PRELID2: variants seen among roughly 807,000 people sequenced by gnomAD.
PRELID2 encodes PRELI domain-containing protein 2.
A neutral mutation model predicts 28.4 loss-of-function variants in PRELID2; 25 were observed. That is an observed-to-expected ratio of 0.88 (90% CI 0.64 to 1.23). The LOEUF (loss-of-function observed/expected upper bound fraction) is 1.23, where lower values mean the gene tolerates loss of function less well. Among genes scored for constraint, PRELID2 ranks in the 50% most tolerant of loss-of-function variants. PRELID2 has a pLI of 0.00. For missense variants in PRELID2, 201 were observed against 214.4 expected, an observed-to-expected ratio of 0.94 and a Z score of 0.39; for synonymous variants, 76 against 71.6, an observed-to-expected ratio of 1.06 and a Z score of -0.31.
Position 145,759,990 on chromosome 5 carries a change from A to C in PRELID2, c.*546T>G, listed in dbSNP as rs1448398721. 6.6e-6 allele frequency: 1 copy of C among 152,164 alleles called. No homozygotes were observed. Among genetic ancestry groups the C allele is most frequent in the Non-Finnish European group, 1.5e-5 (1 of 68,036 alleles). The allele number at this position is 152,164 out of a possible 1,614,324, so 9.4% of individuals were successfully genotyped here. ...GATAAAAATCTCCTGATTTCTGAGA[A>C]TCTTAAACATTGTTATAAATACGGC... On this transcript the variant is annotated 3_prime_UTR_variant, in exon 7 of 7. Coordinates refer to ENST00000683046, the MANE Select transcript of PRELID2 (RefSeq NM_205846.3).
At chr5:145,811,320 G>T (rs1176574700) in intron 4 of PRELID2, among the ~76,000 whole-genome samples, 4 of 151,990 alleles carry the variant, frequency 2.6e-5, no homozygotes, top group African/African-American at 9.7e-5. Flanking sequence ...CAGGGGTCTT[G>T]CTCTGTTGCC....
intron 1 of PRELID2, among the ~76,000 whole-genome samples, chr5:145,682,530 G>A (rs1474634201): frequency 6.6e-6 from 1 of 152,158 alleles, no homozygotes; most frequent in Non-Finnish European, 1.5e-5. Flanking sequence ...TATTAACAGG[G>A]TAGAAGGTCA....
chr5:145,740,897 G>A (rs139097628), intron 1 of PRELID2, among the ~76,000 whole-genome samples: 5 of 87,214 alleles, frequency 5.7e-5, no homozygotes, highest in African/African-American at 2.7e-4. Context: ...TATATTTATC[G>A]ATAAATATAT....
intron 1 of PRELID2, among the ~76,000 whole-genome samples, chr5:145,717,574 C>G (rs951983590): frequency 2.6e-5 from 4 of 151,644 alleles, no homozygotes; most frequent in African/African-American, 9.7e-5. Context: ...ATATGTAAGA[C>G]AATAAAGGGA....
In PRELID2 at chr5:145,554,627, C is replaced by A. The variant is rs530477273; in HGVS notation, n.71-81312G>T. 5.9e-5 allele frequency among the ~76,000 whole-genome samples: 9 copies of A among 152,312 alleles called. No homozygotes were observed. In the South Asian group the frequency reaches 1.7e-3, roughly 28 times the overall value. On this transcript the variant is annotated intron_variant and non_coding_transcript_variant, in intron 1 of 2. Coordinates refer to the PRELID2 transcript ENST00000510259. ...CCTTAGTGTCAGACCATATTATAAC[C>A]ACACAATGTGTGTAATAGGGCTGTG...
At chr5:145,539,127 C>A (rs998836866) in intron 1 of PRELID2, among the ~76,000 whole-genome samples, 6 of 151,942 alleles carry the variant, frequency 3.9e-5, no homozygotes, top group Non-Finnish European at 7.4e-5. Context: ...GAATAAAATA[C>A]AACCAGGCTA....
intron 5 of PRELID2, among the ~76,000 whole-genome samples, chr5:145,789,910 A>G (rs1389091026): frequency 6.6e-6 from 1 of 152,214 alleles, no homozygotes; most frequent in East Asian, 1.9e-4. Context: ...AACAGCACCA[A>G]TCATTAGAGA....
At chr5:145,574,095 A>G (rs573173944) in intron 1 of PRELID2, among the ~76,000 whole-genome samples, 2 of 152,264 alleles carry the variant, frequency 1.3e-5, no homozygotes, top group Admixed American at 6.5e-5. Flanking sequence ...CAATGCAATC[A>G]CAGGATCCTA....
At chr5:145,549,451 C>G (rs779498737) in intron 1 of PRELID2, among the ~76,000 whole-genome samples, 2 of 152,104 alleles carry the variant, frequency 1.3e-5, no homozygotes, top group African/African-American at 4.8e-5. Context: ...ACTAATTTCA[C>G]GCTATTAATT....
rs1027726495 is a variant in PRELID2, at chr5:145,614,710, C to A, written n.71-141395G>T. ...CAGAAACTTTGCTGAATTATTTATACGTTCTAGAAGCTCTCTGGAGGAGTT... is the reference window on the plus strand; with the variant it reads ...CAGAAACTTTGCTGAATTATTTATAAGTTCTAGAAGCTCTCTGGAGGAGTT... On this transcript the variant is annotated intron_variant and non_coding_transcript_variant, in intron 1 of 2. Coordinates refer to the PRELID2 transcript ENST00000510259. Among the ~76,000 whole-genome samples the A allele has an allele frequency of 1.2e-4, 19 of 152,184 alleles. No individual in the cohort carries two copies. The South Asian group carries it at 3.5e-3, about 28-fold the overall frequency.
At chr5:145,531,284 G>A (rs1752652992) in intron 1 of PRELID2, among the ~76,000 whole-genome samples, 1 of 152,098 alleles carries the variant, frequency 6.6e-6, no homozygotes, top group Non-Finnish European at 1.5e-5. Flanking sequence ...GGCCTTGACT[G>A]TTCTGACACA....
At position 145,577,781 on chromosome 5, in the gene PRELID2, T is replaced by C. The variant is rs142104697; in HGVS notation, n.71-104466A>G. On this transcript the variant is annotated intron_variant and non_coding_transcript_variant, in intron 1 of 2. Coordinates refer to the PRELID2 transcript ENST00000510259. ...CTTTGAATTTAACAGTGGGTAACTA[T>C]ATGTGATGTGATTATTTCTTTAACA... 2.7e-3 allele frequency among the ~76,000 whole-genome samples: 416 copies of C among 152,278 alleles called. 3 individuals are homozygous for C. The highest frequency in any genetic ancestry group is 9.6e-3 in the African/African-American group (400 of 41,564).
At chr5:145,648,242 T>C (rs1461601363) in intron 1 of PRELID2, among the ~76,000 whole-genome samples, 2 of 152,146 alleles carry the variant, frequency 1.3e-5, no homozygotes, top group East Asian at 3.9e-4. Context: ...ACTGTGCATA[T>C]CAACATGAAT....
intron 1 of PRELID2, among the ~76,000 whole-genome samples, chr5:145,482,501 G>A (rs1338055380): frequency 2.6e-5 from 4 of 152,008 alleles, no homozygotes; most frequent in Non-Finnish European, 4.4e-5. Flanking sequence ...ATTCTTAAGT[G>A]CCAGGTAACA....
At chr5:145,390,149 C>A in the PRELID2 span, among the ~76,000 whole-genome samples, 2 of 152,248 alleles carry the variant, frequency 1.3e-5, no homozygotes, top group South Asian at 4.2e-4. Flanking sequence ...TAATCCTGTT[C>A]TAGAAGATCA....
chr5:145,447,669 T>C, the PRELID2 span, among the ~76,000 whole-genome samples: 14 of 113,716 alleles, frequency 1.2e-4, no homozygotes, highest in Non-Finnish European at 2.0e-4. Context: ...CCCCTTCCTG[T>C]GTCCATGTGA....
chr5:145,732,442 C>T (rs1756372373), intron 1 of PRELID2, among the ~76,000 whole-genome samples: 2 of 152,208 alleles, frequency 1.3e-5, no homozygotes, highest in Admixed American at 6.5e-5. Flanking sequence ...CATTGATGGA[C>T]ATGTTCTATA....
chr5:145,355,009 C>T, the PRELID2 span, among the ~76,000 whole-genome samples: 1 of 152,108 alleles, frequency 6.6e-6, no homozygotes, highest in Non-Finnish European at 1.5e-5. Context: ...CGTTCAGTGG[C>T]TAGAACCACT....
chr5:145,613,285 T>C (rs73311549), intron 1 of PRELID2, among the ~76,000 whole-genome samples: 1 of 151,992 alleles, frequency 6.6e-6, no homozygotes, highest in Non-Finnish European at 1.5e-5. Flanking sequence ...CTTCTTTTTT[T>C]ATTTTTATTT....
Sources: gnomAD v4.1 joint callset for allele counts (sites outside exome capture counted in the v4.1 genomes callset) on GRCh38, gnomAD v4.1.1 for gene constraint, MANE v1.5 for transcripts, NCBI Gene and HGNC (gene_info 2026-07-23, HGNC 2026-07-21) for gene names.